The following SLC5A8 variants were observed in gnomAD, a reference collection of about 807,000 sequenced individuals.
SLC5A8 encodes sodium-coupled monocarboxylate transporter 1.
In SLC5A8, 55 loss-of-function variants were observed where a neutral mutation model predicts 71.9. The observed-to-expected ratio is 0.77, with a 90% CI of 0.62 to 0.96. The LOEUF is 0.96. Ranked by LOEUF, SLC5A8 falls within the 40% of genes least tolerant of loss-of-function variation. SLC5A8 has a pLI of 0.00. For synonymous variants in SLC5A8, 307 were observed against 276.1 expected (o/e 1.11, Z -1.11); for missense variants, 701 against 745.3 (o/e 0.94, Z 0.69).
chr12:101,182,879 T>TA lies in SLC5A8; in HGVS notation c.1088dup (p.Thr364AsnfsTer105), dbSNP rs779996456. 30 of 1,593,524 alleles carry TA rather than the reference T, an allele frequency of 1.9e-5. No homozygotes were observed. The highest frequency in any genetic ancestry group is 2.4e-5 in the Non-Finnish European group (28 of 1,172,770). On this transcript the variant is annotated frameshift_variant, in exon 9 of 15. Transcript: ENST00000536262. LOFTEE classifies it high-confidence loss of function. ...AAGGTTTGATTAGATCTTCCACAGT[T>TA]ACTGCTGCTAAGGCATTAATACTGG...
At chr12:101,194,540 A>G (rs1869075526) in intron 4 of SLC5A8, among the ~76,000 whole-genome samples, 1 of 152,182 alleles carries the variant, frequency 6.6e-6, no homozygotes, top group East Asian at 1.9e-4. Flanking sequence ...ATCACAGCTC[A>G]CTGCAGCCTC....
chr12:101,172,818 A>G (rs1169100804), intron 10 of SLC5A8, among the ~76,000 whole-genome samples: 2 of 152,196 alleles, frequency 1.3e-5, no homozygotes, highest in African/African-American at 4.8e-5. Context: ...GACTGTGGCC[A>G]TCAGGGCCAG....
chr12:101,194,871 T>C (rs1869093733), intron 4 of SLC5A8, among the ~76,000 whole-genome samples: 2 of 152,158 alleles, frequency 1.3e-5, no homozygotes, highest in South Asian at 2.1e-4. Flanking sequence ...TTAGGAACCA[T>C]TGCAATGGAT....
chr12:101,170,393 A>T (rs2137130022), intron 10 of SLC5A8, among the ~76,000 whole-genome samples: 1 of 152,242 alleles, frequency 6.6e-6, no homozygotes, highest in East Asian at 1.9e-4. Context: ...ATATAAAATA[A>T]ACATAAGAAG....
At chr12:101,176,802 A>T (rs1452873172) in intron 10 of SLC5A8, among the ~76,000 whole-genome samples, 1 of 152,096 alleles carries the variant, frequency 6.6e-6, no homozygotes, top group Admixed American at 6.6e-5. Flanking sequence ...CAAGAAGGAA[A>T]TTTTCAGCAA....
chr12:101,169,100 G>A (rs1679202364), intron 10 of SLC5A8, among the ~76,000 whole-genome samples: 1 of 152,212 alleles, frequency 6.6e-6, no homozygotes, highest in Non-Finnish European at 1.5e-5. Context: ...ACTCAAGGAT[G>A]TGATCCTGAG....
In SLC5A8 at chr12:101,166,702, G is replaced by A. The variant is rs201256786; in HGVS notation, c.1321-3C>T. On this transcript the variant is annotated splice_polypyrimidine_tract_variant and splice_region_variant and intron_variant, in intron 11 of 14. Coordinates refer to ENST00000536262, the MANE Select transcript of SLC5A8 (RefSeq NM_145913.5). ...GCCATCAGACCAACAAGTGCTCCCT[G>A]TAAAACAAGAATGCCTTTAAAAGAA... 1.4e-5 allele frequency: 22 copies of A among 1,581,522 alleles called. No homozygotes were observed. The Admixed American group carries it at 1.9e-4, about 14-fold the overall frequency.
chr12:101,183,035 C>CTTTTTTTTTTTTTTTTTTTT (rs34182928), intron 8 of SLC5A8, 120 bp from the exon 9 acceptor site: 1 of 73,518 alleles, frequency 1.4e-5, no homozygotes, highest in African/African-American at 6.0e-5. Flanking sequence ...TTCTACTATG[C>CTTTTTTTTTTTTTTTTTTTT]TTTTTTTTTT....
At position 101,180,102 on chromosome 12, in the gene SLC5A8, T is replaced by C. The variant is rs2137141985; in HGVS notation, c.1166-6A>G. On this transcript the variant is annotated splice_region_variant and splice_polypyrimidine_tract_variant and intron_variant, in intron 9 of 14. Transcript: ENST00000536262. ...CAGGGCTCCATACACCACACCTAAA[T>C]GGACAACATAAAAGCCAGTGTAAAA... is the stretch of plus-strand genomic sequence containing the variant. 2 of 1,614,070 alleles carry C rather than the reference T, an allele frequency of 1.2e-6. No individual in the cohort carries two copies. Among genetic ancestry groups the C allele is most frequent in the East Asian group, 2.2e-5 (1 of 44,872 alleles).
intron 10 of SLC5A8, among the ~76,000 whole-genome samples, chr12:101,171,293 G>C (rs1237065540): frequency 6.6e-6 from 1 of 152,146 alleles, no homozygotes; most frequent in Non-Finnish European, 1.5e-5. Flanking sequence ...CCCCGGCCAG[G>C]TTGCTTCATA....
At chr12:101,159,151 C>A (rs1316732250) in intron 13 of SLC5A8, among the ~76,000 whole-genome samples, 2 of 152,010 alleles carry the variant, frequency 1.3e-5, no homozygotes, top group Non-Finnish European at 2.9e-5. Context: ...ACCCCTGAAG[C>A]CTGATTTTTA....
chr12:101,204,271 A>G (rs916801803), intron 2 of SLC5A8, among the ~76,000 whole-genome samples: 4 of 152,216 alleles, frequency 2.6e-5, no homozygotes, highest in Non-Finnish European at 5.9e-5. Flanking sequence ...TATCAGTATA[A>G]TATTTAACAT....
intron 1 of SLC5A8, 114 bp downstream of exon 1, chr12:101,209,383 CG>C (rs1356660979): frequency 1.3e-6 from 1 of 743,824 alleles, no homozygotes; most frequent in African/African-American, 1.8e-5. Flanking sequence ...TGACGATGGA[CG>C]GGGAGAGATT....
chr12:101,190,222 T>C (rs1191136579), intron 6 of SLC5A8, among the ~76,000 whole-genome samples: 8 of 152,228 alleles, frequency 5.3e-5, no homozygotes, highest in Admixed American at 2.6e-4. Context: ...TGGGTTCTTA[T>C]GCAAACAGAT....
chr12:101,205,649 G>A (rs1003334991), intron 1 of SLC5A8, among the ~76,000 whole-genome samples: 1 of 152,116 alleles, frequency 6.6e-6, no homozygotes, highest in Non-Finnish European at 1.5e-5. Flanking sequence ...CACATACAGA[G>A]TACTTGCTGT....
chr12:101,169,045 T>C (rs1593364811), intron 10 of SLC5A8, among the ~76,000 whole-genome samples: 1 of 152,188 alleles, frequency 6.6e-6, no homozygotes, highest in Non-Finnish European at 1.5e-5. Context: ...AAGAAAAGGA[T>C]GTGGTACTGA....
chr12:101,204,643 T>C, intron 1 of SLC5A8, 78 bp from the exon 2 acceptor site: 1 of 1,005,386 alleles, frequency 9.9e-7, no homozygotes, highest in Non-Finnish European at 1.5e-6. Context: ...AAATTTAAAT[T>C]TAGAAATGTA....
At position 101,204,572 on chromosome 12, in the gene SLC5A8, C is replaced by CA. The variant is rs200416696; in HGVS notation, c.352-8dup. On this transcript the variant is annotated splice_polypyrimidine_tract_variant and splice_region_variant and intron_variant, in intron 1 of 14. Coordinates refer to ENST00000536262, the MANE Select transcript of SLC5A8 (RefSeq NM_145913.5). ...TAAATCGAAGTTCTAAATACTGTTG[C>CA]AAAAAAAAAAATTATGCGAATCCTC... 0.02 allele frequency: 23,471 copies of CA among 1,185,370 alleles called. No individual in the cohort carries two copies. The highest frequency in any genetic ancestry group is 0.027 in the South Asian group (1,617 of 59,438). 73.4% of individuals were successfully genotyped at this position (1,185,370 alleles called of 1,614,324 possible).
chr12:101,164,392 C>A (rs1319608937), intron 12 of SLC5A8, among the ~76,000 whole-genome samples: 1 of 152,066 alleles, frequency 6.6e-6, no homozygotes, highest in Non-Finnish European at 1.5e-5. Flanking sequence ...AAATTAAAAC[C>A]ACAGCAAGCT....
Sources: allele counts gnomAD v4.1 joint callset (sites outside exome capture counted in the v4.1 genomes callset), GRCh38; gene constraint gnomAD v4.1.1; transcripts MANE v1.5; gene names NCBI Gene and HGNC (gene_info 2026-07-23, HGNC 2026-07-21).